Variants in FAM131B observed in about 807,000 individuals in gnomAD.
FAM131B encodes protein FAM131B.
FAM131B carries 19 observed loss-of-function variants against 42.0 expected under a neutral mutation model. The ratio of observed to expected loss-of-function variants is 0.45; its 90% CI spans 0.32 to 0.66. FAM131B has a LOEUF of 0.66. Ranked by LOEUF, FAM131B falls within the 30% of genes least tolerant of loss-of-function variation. The pLI is 0.05. For missense variants in FAM131B, 370 were observed against 468.4 expected, an observed-to-expected ratio of 0.79 and a Z score of 1.94; for synonymous variants, 183 against 177.6, an observed-to-expected ratio of 1.03 and a Z score of -0.24.
Position 143,359,135 on chromosome 7 carries a change from G to A in FAM131B, c.269-111C>T. On this transcript the variant is annotated intron_variant, in intron 4 of 6. Transcript: ENST00000443739. This position sits in a 1 kb window ranked among gnomAD's most constrained non-coding sequence, Gnocchi z 5.4. ...CATGAGGCTCCATCCCACTGGGCCA[G>A]GCTCCCCTAAGGACTCCATAGATGG... 8.2e-7 allele frequency: 1 copy of A among 1,217,550 alleles called. No individual in the cohort carries two copies. Among genetic ancestry groups the A allele is most frequent in the African/African-American group, 1.5e-5 (1 of 67,070 alleles). The allele number at this position is 1,217,550 out of a possible 1,614,324, so 75.4% of individuals were successfully genotyped here.
At chr7:143,367,905 A>T in the FAM131B span, among the ~76,000 whole-genome samples, 2 of 152,210 alleles carry the variant, frequency 1.3e-5, no homozygotes, top group African/African-American at 2.4e-5. Context: ...CATAGAGCCT[A>T]TGCTTCAGAT....
At position 143,359,260 on chromosome 7, in the gene FAM131B, G is replaced by A; in HGVS notation, c.268+66C>T. 2 of 1,305,834 alleles carry A rather than the reference G, an allele frequency of 1.5e-6. No homozygotes were observed. Among genetic ancestry groups the A allele is most frequent in the Non-Finnish European group, 2.2e-6 (2 of 912,268 alleles). The allele number at this position is 1,305,834 out of a possible 1,614,324, so 80.9% of individuals were successfully genotyped here. On this transcript the variant is annotated intron_variant, in intron 4 of 6. Transcript: ENST00000443739. The surrounding 1 kb of genome is among the most constrained non-coding windows in gnomAD (Gnocchi z 5.4). The stretch of plus-strand genomic sequence containing the variant: ...TCTTCATCAACCTCGAAGGAGCAGG[G>A]AGACTGAGCCAAGGAGTCTGTCAGC...
the FAM131B span, among the ~76,000 whole-genome samples, chr7:143,370,886 G>C: frequency 6.6e-6 from 1 of 152,084 alleles, no homozygotes; most frequent in East Asian, 1.9e-4. Flanking sequence ...GGTCTGGATT[G>C]GGACTTCTTT....
the FAM131B span, chr7:143,380,624 G>T: frequency 1.1e-5 from 11 of 985,422 alleles, no homozygotes; most frequent in Admixed American, 6.1e-5. The surrounding 1 kb of genome is among the most constrained non-coding windows in gnomAD (Gnocchi z 5.0). Flanking sequence ...GCTGGCTGGG[G>T]CGCTGGGGAT....
At chr7:143,380,592 C>T in the FAM131B span, 3 of 985,378 alleles carry the variant, frequency 3.0e-6, no homozygotes, top group Non-Finnish European at 3.6e-6. The surrounding 1 kb of genome is among the most constrained non-coding windows in gnomAD (Gnocchi z 5.0). Context: ...CGGACCCGAA[C>T]GGTCCCTCTC....
chr7:143,359,351 C>T lies in FAM131B; in HGVS notation c.243G>A (p.Gly81=). Reference sequence around the variant, plus strand: ...CTGAGAATGATGACTTGGCCAGGGCCCCAATGCCATAGGCGTTAGAGTTTC... The same window carrying T: ...CTGAGAATGATGACTTGGCCAGGGCTCCAATGCCATAGGCGTTAGAGTTTC... ...LKRNSNAYGI[G]ALAKSSFSGI... Residue 81 remains glycine (G), a synonymous_variant, in exon 4 of 7, where the codon GGG becomes GGA. Transcript: ENST00000443739. The surrounding 1 kb of genome is among the most constrained non-coding windows in gnomAD (Gnocchi z 5.4). The T allele has an allele frequency of 6.2e-7, 1 of 1,613,692 alleles. No individual in the cohort carries two copies. The highest frequency in any genetic ancestry group is 2.2e-5 in the East Asian group (1 of 44,878).
rs1481719493 is a variant in FAM131B, at chr7:143,359,055, A to G, written c.269-31T>C. 1.2e-6 allele frequency: 2 copies of G among 1,602,180 alleles called. No homozygotes were observed. Among genetic ancestry groups the G allele is most frequent in the Non-Finnish European group, 1.7e-6 (2 of 1,172,498 alleles). On this transcript the variant is annotated intron_variant, in intron 4 of 6. Transcript: ENST00000443739. The surrounding 1 kb of genome is among the most constrained non-coding windows in gnomAD (Gnocchi z 5.4). ...GGGCCAGACATTTCCCACATCCTCC[A>G]GAATATCACACAATACCCATAACCA...
At chr7:143,375,817 T>G in the FAM131B span, among the ~76,000 whole-genome samples, 3 of 152,346 alleles carry the variant, frequency 2.0e-5, no homozygotes, top group African/African-American at 7.2e-5. Flanking sequence ...TTTGGCTTCC[T>G]CTGGGTGCAC....
At chr7:143,370,354 G>A in the FAM131B span, among the ~76,000 whole-genome samples, 3 of 152,258 alleles carry the variant, frequency 2.0e-5, no homozygotes, top group Non-Finnish European at 4.4e-5. Flanking sequence ...CACACGGGGG[G>A]CTCCCCTGTC....
At chr7:143,378,405 C>G in the FAM131B span, among the ~76,000 whole-genome samples, 1 of 152,124 alleles carries the variant, frequency 6.6e-6, no homozygotes, top group Non-Finnish European at 1.5e-5. Context: ...TGGCCATTTT[C>G]TCACTTTGTC....
At position 143,362,695 on chromosome 7, in the gene FAM131B, C is replaced by A; in HGVS notation, c.-92G>T. 1.6e-6 allele frequency: 1 copy of A among 622,938 alleles called. No individual in the cohort carries two copies. The highest frequency in any genetic ancestry group is 2.2e-6 in the Non-Finnish European group (1 of 454,662). The allele number at this position is 622,938 out of a possible 1,614,324, so 38.6% of individuals were successfully genotyped here. A position where few individuals can be genotyped will look rare whatever the true frequency, so the allele number is the denominator to read the frequency against. On this transcript the variant is annotated 5_prime_UTR_variant, in exon 1 of 7. Coordinates refer to ENST00000443739, the MANE Select transcript of FAM131B (RefSeq NM_001031690.3). The surrounding 1 kb of genome is among the most constrained non-coding windows in gnomAD (Gnocchi z 7.7). ...CCGCGCCGCCGCCCCAGCCGCTCTG[C>A]AGCGCCGCGGCTGTCTCCGCTCGGC...
intron 1 of FAM131B, chr7:143,360,492 G>A (rs535367931): frequency 5.3e-6 from 5 of 935,616 alleles, no homozygotes; most frequent in Admixed American, 4.5e-5. Flanking sequence ...TCTATTACAA[G>A]TCTACAGATA....
chr7:143,382,105 G>A, the FAM131B span: 1 of 621,174 alleles, frequency 1.6e-6, no homozygotes, highest in Non-Finnish European at 2.5e-6. Context: ...CTCCCAGGGC[G>A]CCCTGCGCCC....
the FAM131B span, chr7:143,380,046 G>A: frequency 1.0e-6 from 1 of 984,472 alleles, no homozygotes; most frequent in Non-Finnish European, 1.2e-6. This position sits in a 1 kb window ranked among gnomAD's most constrained non-coding sequence, Gnocchi z 5.0. Context: ...GTAGAGTGTA[G>A]CCGGATTTGG....
chr7:143,356,748 G>A lies in FAM131B; in HGVS notation c.885C>T (p.Asp295=). Residue 295 remains aspartate (D), a synonymous_variant, in exon 7 of 7, where the codon GAC becomes GAT. Transcript: ENST00000443739. The surrounding 1 kb of genome is among the most constrained non-coding windows in gnomAD (Gnocchi z 4.4). ...CCTCCTCAGCAGGGCCCCTTGCCAG[G>A]TCCACTGCGCCTACCCCCGGAGCCC... ...TDWAPGVGAV[D]LARGPAEEEK... 1 of 1,614,058 alleles carries A rather than the reference G, an allele frequency of 6.2e-7. No individual in the cohort carries two copies. Among genetic ancestry groups the A allele is most frequent in the Non-Finnish European group, 8.5e-7 (1 of 1,180,016 alleles).
chr7:143,359,483 G>A lies in FAM131B; in HGVS notation c.175-64C>T, dbSNP rs962766973. On this transcript the variant is annotated intron_variant, in intron 3 of 6. Transcript: ENST00000443739. The surrounding 1 kb of genome is among the most constrained non-coding windows in gnomAD (Gnocchi z 5.4). ...AAGGTACGGGCGTGCTTTATACATG[G>A]AGGAGGTTCATGGTTTCCAGGAAAA... 1 of 1,290,668 alleles carries A rather than the reference G, an allele frequency of 7.7e-7. No homozygotes were observed. The highest frequency in any genetic ancestry group is 1.1e-6 in the Non-Finnish European group (1 of 895,192). 80.0% of individuals were successfully genotyped at this position (1,290,668 alleles called of 1,614,324 possible). A position where few individuals can be genotyped will look rare whatever the true frequency, so the allele number is the denominator to read the frequency against.
At position 143,362,320 on chromosome 7, in the gene FAM131B, G is replaced by A. The variant is rs1422515619; in HGVS notation, c.28+256C>T. ...AGAGGAGGGCGATGGAGAGGATGGA[G>A]AGGACCGCGCCTGCGGGAGGGCGAC... is the stretch of plus-strand genomic sequence containing the variant. On this transcript the variant is annotated intron_variant, in intron 1 of 6. Coordinates refer to ENST00000443739, the MANE Select transcript of FAM131B (RefSeq NM_001031690.3). The surrounding 1 kb of genome is among the most constrained non-coding windows in gnomAD (Gnocchi z 7.7). 6.6e-6 allele frequency among the ~76,000 whole-genome samples: 1 copy of A among 152,172 alleles called. No homozygotes were observed. The highest frequency in any genetic ancestry group is 1.9e-4 in the East Asian group (1 of 5,170).
At position 143,359,973 on chromosome 7, in the gene FAM131B, G is replaced by A; in HGVS notation, c.138+67C>T. On this transcript the variant is annotated intron_variant, in intron 2 of 6. Coordinates refer to ENST00000443739, the MANE Select transcript of FAM131B (RefSeq NM_001031690.3). The surrounding 1 kb of genome is among the most constrained non-coding windows in gnomAD (Gnocchi z 5.4). Reference sequence around the variant, plus strand: ...AAGTGTCAGTCTGAAGGAGTGTTTGGGTTGTTGCCTTGGAATTGAGGAAGT... The same window carrying A: ...AAGTGTCAGTCTGAAGGAGTGTTTGAGTTGTTGCCTTGGAATTGAGGAAGT... 8.2e-7 allele frequency: 1 copy of A among 1,220,738 alleles called. No homozygotes were observed. The allele number at this position is 1,220,738 out of a possible 1,614,324, so 75.6% of individuals were successfully genotyped here.
chr7:143,381,194 C>T, the FAM131B span: 3 of 994,772 alleles, frequency 3.0e-6, no homozygotes, highest in Non-Finnish European at 3.6e-6. Flanking sequence ...AGTTTCCTGC[C>T]TGGTCCGCCC....
Sources: gnomAD v4.1 joint callset for allele counts (sites outside exome capture counted in the v4.1 genomes callset) on GRCh38, gnomAD v4.1.1 for gene constraint, Gnocchi (gnomAD v3.1) non-coding constraint, MANE v1.5 for transcripts, NCBI Gene and HGNC (gene_info 2026-07-23, HGNC 2026-07-21) for gene names.